NCOA7: variants seen among roughly 807,000 people sequenced by gnomAD.
NCOA7 encodes the protein nuclear receptor coactivator 7, also known as 140 kDa estrogen receptor-associated protein.
A neutral mutation model predicts 104.3 loss-of-function variants in NCOA7; 45 were observed. That is an observed-to-expected ratio of 0.43 (90% CI 0.34 to 0.55). The LOEUF (loss-of-function observed/expected upper bound fraction) is 0.55. Ranked by LOEUF, NCOA7 falls within the 20% of genes least tolerant of loss-of-function variation. The probability of loss-of-function intolerance (pLI) is 0.02; values close to 1 mark genes in which losing one functional copy is unlikely to be tolerated. For synonymous variants in NCOA7, 398 were observed against 402.3 expected (o/e 0.99, Z 0.13); for missense variants, 1,041 against 1,119.7 (o/e 0.93, Z 1.00).
At chr6:125,898,998 G>A (rs1468879037) in intron 10 of NCOA7, among the ~76,000 whole-genome samples, 1 of 151,972 alleles carries the variant, frequency 6.6e-6, no homozygotes, top group Non-Finnish European at 1.5e-5. Flanking sequence ...ATGGATTAAT[G>A]TAATAATACT....
upstream of NCOA7, among the ~76,000 whole-genome samples, chr6:125,789,517 C>T (rs1774639750): frequency 6.6e-6 from 1 of 152,178 alleles, no homozygotes; most frequent in African/African-American, 2.4e-5. Context: ...ACAATGCAAT[C>T]AGCTCTTTAT....
At position 125,915,540 on chromosome 6, in the gene NCOA7, A is replaced by G. The variant is rs879238823; in HGVS notation, c.2244+60A>G. The G allele has an allele frequency of 2.4e-5, 38 of 1,596,802 alleles. No individual in the cohort carries two copies. The South Asian group carries it at 3.5e-4, about 15-fold the overall frequency. On this transcript the variant is annotated intron_variant, in intron 11 of 15. Coordinates refer to ENST00000392477, the MANE Select transcript of NCOA7 (RefSeq NM_181782.5). ...CCTAAGGTACAGTAAGCAGTCTCGCATTCAGATTCCATGTAACAGGCTGGT... is the reference window on the plus strand; with the variant it reads ...CCTAAGGTACAGTAAGCAGTCTCGCGTTCAGATTCCATGTAACAGGCTGGT...
intron 10 of NCOA7, among the ~76,000 whole-genome samples, chr6:125,897,358 A>T (rs1401079324): frequency 6.6e-6 from 1 of 152,218 alleles, no homozygotes. Context: ...TGAACAAGCA[A>T]TGGGTTAGAA....
chr6:125,895,367 TGG>T (rs972353562), intron 10 of NCOA7, among the ~76,000 whole-genome samples: 47 of 152,244 alleles, frequency 3.1e-4, no homozygotes, highest in Non-Finnish European at 1.3e-4. Flanking sequence ...GGAAAGCTCA[TGG>T]GGTTTAAATT....
intron 2 of NCOA7, among the ~76,000 whole-genome samples, chr6:125,835,353 A>G (rs137937380): frequency 1.4e-3 from 216 of 152,298 alleles, no homozygotes; most frequent in East Asian, 5.0e-3. Context: ...TTTCTAGGTC[A>G]AGTAACAGAA....
intron 1 of NCOA7, 51 bp from the exon 2 acceptor site, chr6:125,815,240 G>A: frequency 1.6e-6 from 1 of 642,140 alleles, no homozygotes; most frequent in Non-Finnish European, 2.6e-6. Flanking sequence ...TTTTCACATT[G>A]GCCAGTGTAA....
At chr6:125,906,122 G>A (rs1490077762) in intron 10 of NCOA7, among the ~76,000 whole-genome samples, 2 of 152,154 alleles carry the variant, frequency 1.3e-5, no homozygotes, top group East Asian at 3.9e-4. Context: ...TAGGGGAATG[G>A]AAAGGTCGCA....
rs191078454 is a variant in NCOA7, at chr6:125,889,367, A to G, written c.1313A>G (p.Glu438Gly). The G allele has an allele frequency of 6.2e-7, 1 of 1,614,020 alleles. No individual in the cohort carries two copies. The highest frequency in any genetic ancestry group is 2.2e-5 in the East Asian group (1 of 44,860). ...ATGCACAAAAAAGACACCTTGAAGG[A>G]GTGCCTTTCTCTTGACCCAGAGGAA... is the stretch of plus-strand genomic sequence containing the variant. ...GGMHKKDTLK[E>G]CLSLDPEERK... The change falls in exon 9 of 16, where the codon GAG (glutamate) becomes GGG (glycine). Residue 438 changes from glutamate (E) to glycine (G), a missense_variant. This residue lies in a region of NCOA7 where 914 missense variants were observed against 942.7 expected (regional missense o/e 0.97). Coordinates refer to ENST00000392477, the MANE Select transcript of NCOA7 (RefSeq NM_181782.5).
At chr6:125,826,327 T>C (rs1236244986) in intron 2 of NCOA7, among the ~76,000 whole-genome samples, 1 of 139,568 alleles carries the variant, frequency 7.2e-6, no homozygotes, top group African/African-American at 2.5e-5. Context: ...CAAGACTCCG[T>C]CTCTAAAAGA....
intron 4 of NCOA7, 89 bp from the exon 5 acceptor site, chr6:125,878,174 T>G (rs1169547062): frequency 3.1e-6 from 2 of 650,430 alleles, no homozygotes; most frequent in Non-Finnish European, 5.0e-6. Context: ...AGTTTGTTAT[T>G]TATTCATATT....
intron 10 of NCOA7, among the ~76,000 whole-genome samples, chr6:125,911,826 C>T (rs553048963): frequency 6.6e-6 from 1 of 152,250 alleles, no homozygotes; most frequent in South Asian, 2.1e-4. Context: ...GGGATCCATG[C>T]TCCCGTTCCA....
rs1410447851 is a variant in NCOA7, at chr6:125,888,936, C to T, written c.885-3C>T. The T allele has an allele frequency of 2.5e-6, 4 of 1,585,794 alleles. No homozygotes were observed. The highest frequency in any genetic ancestry group is 1.4e-5 in the African/African-American group (1 of 73,790). On this transcript the variant is annotated splice_polypyrimidine_tract_variant and splice_region_variant and intron_variant, in intron 8 of 15. Coordinates refer to ENST00000392477, the MANE Select transcript of NCOA7 (RefSeq NM_181782.5). ...TGTGCACCCACCATTTCTCCCCCAA[C>T]AGTGACCTACCTCAGGATCTTTGTC...
intron 2 of NCOA7, among the ~76,000 whole-genome samples, chr6:125,825,356 A>G (rs189157966): frequency 6.6e-6 from 1 of 152,296 alleles, no homozygotes; most frequent in Admixed American, 6.5e-5. Flanking sequence ...TTTTTAAAAA[A>G]CCAAACCACA....
rs1032761866 is a variant in NCOA7 at position 125,829,810 on chromosome 6, G to T, written c.50+14406G>T. 8.5e-5 allele frequency among the ~76,000 whole-genome samples: 13 copies of T among 152,324 alleles called. No homozygotes were observed. In the East Asian group the frequency reaches 2.5e-3, roughly 29 times the overall value. On this transcript the variant is annotated intron_variant, in intron 2 of 15. Transcript: ENST00000392477. ...CAGACAATGCCCTGGAATCCTAGAA[G>T]AAGTAATTGAGAGATTAGAAAGAAA...
intron 1 of NCOA7, among the ~76,000 whole-genome samples, chr6:125,812,013 A>G (rs1330903635): frequency 1.3e-5 from 2 of 152,232 alleles, no homozygotes; most frequent in African/African-American, 4.8e-5. Flanking sequence ...GTGCTGTTGA[A>G]TTAAGGAAAT....
chr6:125,928,481 TTAA>T (rs1788236179), intron 15 of NCOA7, among the ~76,000 whole-genome samples, 152 bp from the exon 16 acceptor site: 1 of 152,172 alleles, frequency 6.6e-6, no homozygotes, highest in Non-Finnish European at 1.5e-5. Context: ...GACTGGTCAT[TTAA>T]ATGAAATAAA....
rs746075351 is a variant in NCOA7, at chr6:125,882,440, A to G, written c.588A>G (p.Ala196=). ...EYDKLPDADL[A]RKALKPIERV... is the part of the protein sequence containing the mutation. The stretch of plus-strand genomic sequence containing the variant: ...GCTTTCACAAGGATGCTGACTTAGC[A>G]CGAAAGGCCTTGAAACCCATTGAAA... Residue 196 remains alanine (A), a synonymous_variant, in exon 7 of 16, where the codon GCA becomes GCG. Coordinates refer to ENST00000392477, the MANE Select transcript of NCOA7 (RefSeq NM_181782.5). 16 of 1,613,016 alleles carry G rather than the reference A, an allele frequency of 9.9e-6. No individual in the cohort carries two copies. The highest frequency in any genetic ancestry group is 6.6e-5 in the South Asian group (6 of 90,748).
chr6:125,883,384 C>G (rs759947396), intron 7 of NCOA7, among the ~76,000 whole-genome samples: 1 of 152,164 alleles, frequency 6.6e-6, no homozygotes, highest in African/African-American at 2.4e-5. Flanking sequence ...ACATAACATA[C>G]AGTTCACCCA....
At chr6:125,928,376 T>C in intron 15 of NCOA7, 129 bp downstream of exon 15, 2 of 875,350 alleles carry the variant, frequency 2.3e-6, no homozygotes, top group Admixed American at 2.5e-5. Context: ...TTAGATGAAT[T>C]AGGACAGAGG....
Sources: gnomAD v4.1 joint callset for allele counts (sites outside exome capture counted in the v4.1 genomes callset) on GRCh38, gnomAD v4.1.1 for gene constraint, gnomAD v4.1.1 regional missense constraint, MANE v1.5 for transcripts, NCBI Gene and HGNC (gene_info 2026-07-23, HGNC 2026-07-21) for gene names.